ZMAT4: variants seen among roughly 807,000 people sequenced by gnomAD.
The protein encoded by ZMAT4 is zinc finger matrin-type 4.
ZMAT4 carries 17 observed loss-of-function variants against 28.7 expected under a neutral mutation model. The observed-to-expected ratio is 0.59, with a 90% CI of 0.41 to 0.89. ZMAT4 has a LOEUF of 0.89. Ranked by LOEUF, ZMAT4 falls within the 40% of genes least tolerant of loss-of-function variation. The probability of loss-of-function intolerance (pLI) is 0.00; values close to 1 mark genes in which losing one functional copy is unlikely to be tolerated. For synonymous variants in ZMAT4, 117 were observed against 109.2 expected, an observed-to-expected ratio of 1.07 and a Z score of -0.44; for missense variants, 240 against 283.8, an observed-to-expected ratio of 0.85 and a Z score of 1.11.
chr8:40,618,531 T>C (rs1400897426), intron 5 of ZMAT4, among the ~76,000 whole-genome samples: 4 of 152,302 alleles, frequency 2.6e-5, no homozygotes, highest in African/African-American at 9.6e-5. Context: ...AATCAGGTAG[T>C]ATTTAGTACA....
rs74706922 is a variant in ZMAT4, at chr8:40,760,994, G to A, written c.192+6647C>T. Reference sequence around the variant, plus strand: ...TGTCCTCCCAAGAAATTGCTAGTTCGGAAATTAACAAAAGGAAGCTGAAGA... The same window carrying A: ...TGTCCTCCCAAGAAATTGCTAGTTCAGAAATTAACAAAAGGAAGCTGAAGA... On this transcript the variant is annotated intron_variant, in intron 3 of 6. Coordinates refer to ENST00000297737, the MANE Select transcript of ZMAT4 (RefSeq NM_024645.3). 3.9e-3 allele frequency among the ~76,000 whole-genome samples: 592 copies of A among 152,056 alleles called. 10 individuals carry two copies. Among genetic ancestry groups the A allele is most frequent in the East Asian group, 0.037 (190 of 5,168 alleles).
intron 1 of ZMAT4, among the ~76,000 whole-genome samples, chr8:40,882,881 G>A (rs893771346): frequency 9.9e-5 from 15 of 152,052 alleles, no homozygotes; most frequent in African/African-American, 3.1e-4. Flanking sequence ...AAAGACCACC[G>A]GGAGTCAGAT....
intron 5 of ZMAT4, among the ~76,000 whole-genome samples, chr8:40,649,447 G>C (rs921330302): frequency 2.6e-5 from 4 of 152,124 alleles, no homozygotes; most frequent in Non-Finnish European, 4.4e-5. Context: ...GACCTACAAA[G>C]AGACTTAGAC....
At chr8:40,809,738 GA>G (rs1340152254) in intron 2 of ZMAT4, among the ~76,000 whole-genome samples, 1 of 152,064 alleles carries the variant, frequency 6.6e-6, no homozygotes, top group Non-Finnish European at 1.5e-5. Context: ...AAGATAAGAT[GA>G]CTTGATACTA....
At chr8:40,601,617 AG>A (rs1805355009) in intron 5 of ZMAT4, among the ~76,000 whole-genome samples, 2 of 25,674 alleles carry the variant, frequency 7.8e-5, no homozygotes, top group Non-Finnish European at 1.1e-4. Flanking sequence ...AAAGAAAGAA[AG>A]AAAGAAAGAA....
intron 1 of ZMAT4, among the ~76,000 whole-genome samples, chr8:40,861,621 A>C (rs1046155628): frequency 6.6e-6 from 1 of 152,212 alleles, no homozygotes; most frequent in Admixed American, 6.5e-5. Context: ...CTACCATCAG[A>C]GTGAACAGGC....
At chr8:40,666,539 A>T (rs1439148328) in intron 5 of ZMAT4, among the ~76,000 whole-genome samples, 1 of 152,186 alleles carries the variant, frequency 6.6e-6, no homozygotes, top group African/African-American at 2.4e-5. Flanking sequence ...AAAATTAAAA[A>T]AATACAAAAG....
intron 2 of ZMAT4, among the ~76,000 whole-genome samples, chr8:40,789,181 AAACAT>A (rs1244161948): frequency 1.3e-5 from 2 of 152,328 alleles, no homozygotes; most frequent in East Asian, 3.9e-4. Flanking sequence ...TGAGAAACTC[AAACAT>A]AAATTGATTT....
intron 5 of ZMAT4, among the ~76,000 whole-genome samples, chr8:40,643,297 G>A (rs1357030761): frequency 6.6e-6 from 1 of 152,180 alleles, no homozygotes; most frequent in African/African-American, 2.4e-5. Context: ...ATGATCTTCA[G>A]TAACTGTTCT....
At chr8:40,807,103 A>C in intron 2 of ZMAT4, among the ~76,000 whole-genome samples, 1 of 140,044 alleles carries the variant, frequency 7.1e-6, no homozygotes, top group East Asian at 2.1e-4. Flanking sequence ...GCAAGATAAA[A>C]CTCTCTTGGG....
At chr8:40,740,001 C>T (rs1811932827) in intron 3 of ZMAT4, among the ~76,000 whole-genome samples, 1 of 152,134 alleles carries the variant, frequency 6.6e-6, no homozygotes, top group Non-Finnish European at 1.5e-5. Context: ...GTTTAGTATT[C>T]CATGGTGTAT....
At chr8:40,808,657 C>A (rs1454994286) in intron 2 of ZMAT4, 1 of 393,902 alleles carries the variant, frequency 2.5e-6, no homozygotes, top group Non-Finnish European at 5.1e-6. Flanking sequence ...TAGACATCTT[C>A]ACTCAGGGGA....
intron 1 of ZMAT4, among the ~76,000 whole-genome samples, chr8:40,889,374 G>A (rs1187154639): frequency 6.6e-5 from 10 of 152,270 alleles, no homozygotes; most frequent in South Asian, 6.2e-4. Context: ...GAACAGCATC[G>A]CACCCAGCTT....
chr8:40,769,602 G>C (rs1440125531), intron 2 of ZMAT4, among the ~76,000 whole-genome samples: 2 of 152,148 alleles, frequency 1.3e-5, no homozygotes, highest in Non-Finnish European at 2.9e-5. Context: ...ATAATGGGTG[G>C]AAAAATAAGT....
chr8:40,890,745 C>T (rs28634080), intron 1 of ZMAT4, among the ~76,000 whole-genome samples: 1 of 152,170 alleles, frequency 6.6e-6, no homozygotes, highest in South Asian at 2.1e-4. Flanking sequence ...CCTACCTCCC[C>T]TTGCCCCCAA....
At chr8:40,788,179 C>T (rs1291655111) in intron 2 of ZMAT4, among the ~76,000 whole-genome samples, 3 of 152,078 alleles carry the variant, frequency 2.0e-5, no homozygotes, top group Non-Finnish European at 4.4e-5. Context: ...AACATGACTC[C>T]TTCTACATAT....
intron 1 of ZMAT4, among the ~76,000 whole-genome samples, chr8:40,827,445 T>G (rs531091879): frequency 2.1e-4 from 32 of 152,290 alleles, no homozygotes; most frequent in African/African-American, 7.7e-4. Context: ...TGGTTCACTT[T>G]AGGTGATTTT....
rs149161018 is a variant in ZMAT4 at position 40,582,134 on chromosome 8, G to A, written c.578-873C>T. 4.4e-3 allele frequency among the ~76,000 whole-genome samples: 672 copies of A among 152,244 alleles called. 4 individuals are homozygous for A. The highest frequency in any genetic ancestry group is 0.027 in the Middle Eastern group (8 of 294). ...TCATTTCTAGTTTTGTGATCTGGAG[G>A]AAGTCATGAAATTTCTAGCCTCAGT... On this transcript the variant is annotated intron_variant, in intron 5 of 6. Transcript: ENST00000297737.
At chr8:40,786,447 A>ACATTCATTCATT (rs71294786) in intron 2 of ZMAT4, among the ~76,000 whole-genome samples, 54,419 of 151,452 alleles carry the variant, frequency 0.36, 10,230 homozygotes, top group Middle Eastern at 0.44. Context: ...GAAGTACATG[A>ACATTCATTCATT]CATTCATTCA....
Sources: allele counts gnomAD v4.1 joint callset (sites outside exome capture counted in the v4.1 genomes callset), GRCh38; gene constraint gnomAD v4.1.1; transcripts MANE v1.5; gene names NCBI Gene and HGNC (gene_info 2026-07-23, HGNC 2026-07-21).